SAFB2: variants seen among roughly 807,000 people sequenced by gnomAD.
SAFB2 encodes the protein scaffold attachment factor B2.
In SAFB2, 32 loss-of-function variants were observed where a neutral mutation model predicts 100.6. The ratio of observed to expected loss-of-function variants is 0.32; its 90% CI spans 0.24 to 0.43. The LOEUF (loss-of-function observed/expected upper bound fraction) is 0.43, where lower values mean the gene tolerates loss of function less well. Among genes scored for constraint, SAFB2 ranks in the 20% least tolerant of loss-of-function variants. SAFB2 has a pLI of 1.00. For missense variants in SAFB2, 1,185 were observed against 1,163.4 expected (o/e 1.02, Z -0.27); for synonymous variants, 500 against 439.4 (o/e 1.14, Z -1.72).
chr19:5,593,719 T>C, intron 15 of SAFB2, 172 bp downstream of exon 15: 1 of 663,754 alleles, frequency 1.5e-6, no homozygotes. Flanking sequence ...AGCGAACTAA[T>C]AAACCTGCAG....
chr19:5,591,606 GA>G, intron 17 of SAFB2, 141 bp downstream of exon 17: 1 of 708,062 alleles, frequency 1.4e-6, no homozygotes, highest in Non-Finnish European at 2.4e-6. Context: ...TCGCTGGCCA[GA>G]ACCCACACTT....
chr19:5,599,625 C>T (rs2052612488), intron 12 of SAFB2, among the ~76,000 whole-genome samples: 1 of 151,942 alleles, frequency 6.6e-6, no homozygotes, highest in Non-Finnish European at 1.5e-5. Flanking sequence ...CATTCTGAGT[C>T]TCATACAGAT....
In SAFB2 at chr19:5,616,250, C is replaced by T; in HGVS notation, c.425G>A (p.Ser142Asn). ...ATCCTCCCCAAAATCTGGAGCACTGCTATTCGCCACTTCAGTTTCGTCTAG... is the reference window on the plus strand; with the variant it reads ...ATCCTCCCCAAAATCTGGAGCACTGTTATTCGCCACTTCAGTTTCGTCTAG... ...SVLDETEVAN[S>N]SAPDFGEDGT... The change falls in exon 4 of 21, where the codon AGC becomes AAC. Residue 142 changes from serine (S) to asparagine (N), a missense_variant. Transcript: ENST00000252542. The T allele has an allele frequency of 6.2e-7, 1 of 1,614,234 alleles. No homozygotes were observed. The highest frequency in any genetic ancestry group is 1.1e-5 in the South Asian group (1 of 91,086).
chr19:5,621,442 G>T, intron 1 of SAFB2, 46 bp from the exon 2 acceptor site: 1 of 1,191,730 alleles, frequency 8.4e-7, no homozygotes, highest in Non-Finnish European at 1.3e-6. Flanking sequence ...GAGCTGCAGG[G>T]CACACACTGT....
Position 5,587,442 on chromosome 19 carries a change from A to G in SAFB2, c.2706-43T>C. On this transcript the variant is annotated intron_variant, in intron 20 of 20. Transcript: ENST00000252542. The surrounding 1 kb of genome is among the most constrained non-coding windows in gnomAD (Gnocchi z 4.9). ...CAATTTTTTTCCCCTTGAAGTGCTCAGCGTTTTCATCGTAACATGGGTTCA... is the reference window on the plus strand; with the variant it reads ...CAATTTTTTTCCCCTTGAAGTGCTCGGCGTTTTCATCGTAACATGGGTTCA... The G allele has an allele frequency of 1.3e-6, 2 of 1,566,624 alleles. No homozygotes were observed. Among genetic ancestry groups the G allele is most frequent in the Non-Finnish European group, 1.7e-6 (2 of 1,153,348 alleles).
In SAFB2 at chr19:5,591,671, C is replaced by T. The variant is rs545188407; in HGVS notation, c.2394+77G>A. The T allele has an allele frequency of 5.6e-5, 83 of 1,470,910 alleles. 1 individual carries two copies. In the South Asian group the frequency reaches 7.1e-4, roughly 13 times the overall value. 91.1% of individuals were successfully genotyped at this position (1,470,910 alleles called of 1,614,324 possible). A position where few individuals can be genotyped will look rare whatever the true frequency, so the allele number is the denominator to read the frequency against. On this transcript the variant is annotated intron_variant, in intron 17 of 20. Transcript: ENST00000252542. ...TGCCACCTCTCTGGGATCAAGCGGC[C>T]GCCTGGCTAGAAATGGTCCGCTATG... is the stretch of plus-strand genomic sequence containing the variant.
At chr19:5,599,061 C>T (rs540559609) in intron 12 of SAFB2, among the ~76,000 whole-genome samples, 177 bp from the exon 13 acceptor site, 2 of 152,286 alleles carry the variant, frequency 1.3e-5, no homozygotes, top group Admixed American at 1.3e-4. Context: ...AACACGGGCA[C>T]AGCATCATGG....
At chr19:5,595,618 T>TGTG (rs967776386) in intron 13 of SAFB2, 121 bp from the exon 14 acceptor site, 1 of 1,261,382 alleles carries the variant, frequency 7.9e-7, no homozygotes, top group African/African-American at 1.5e-5. Context: ...GATGGAAGGC[T>TGTG]GTGGTCTCCA....
Position 5,613,453 on chromosome 19 carries a change from A to G in SAFB2, c.606+12T>C, listed in dbSNP as rs1388536933. 2 of 1,609,848 alleles carry G rather than the reference A, an allele frequency of 1.2e-6. No homozygotes were observed. Among genetic ancestry groups the G allele is most frequent in the Non-Finnish European group, 1.7e-6 (2 of 1,176,442 alleles). ...AACATTTCCAGCGATGCAGAACCAGATGGTAACTTACCGGAGTTACTTTGA... is the reference window on the plus strand; with the variant it reads ...AACATTTCCAGCGATGCAGAACCAGGTGGTAACTTACCGGAGTTACTTTGA... On this transcript the variant is annotated intron_variant, in intron 5 of 20. Coordinates refer to ENST00000252542, the MANE Select transcript of SAFB2 (RefSeq NM_014649.3).
chr19:5,592,755 G>A lies in SAFB2; in HGVS notation c.2340C>T (p.Ala780=). 3.1e-6 allele frequency: 5 copies of A among 1,614,102 alleles called. No homozygotes were observed. The highest frequency in any genetic ancestry group is 2.5e-6 in the Non-Finnish European group (3 of 1,180,000). ...HRDRGQYQDH[A]IDRREGSRPM... ...GGGACAAGACCACTGACCTGTCGAT[G>A]GCGTGGTCCTGGTACTGGCCCCGGT... Residue 780 remains alanine (A), a synonymous_variant, in exon 16 of 21, where the codon GCC becomes GCT. Transcript: ENST00000252542.
intron 5 of SAFB2, among the ~76,000 whole-genome samples, chr19:5,612,922 T>A (rs758657103): frequency 2.0e-5 from 3 of 152,068 alleles, no homozygotes; most frequent in Non-Finnish European, 4.4e-5. Flanking sequence ...AAAAAATACT[T>A]CTCCCAACAT....
At position 5,593,016 on chromosome 19, in the gene SAFB2, C is replaced by T; in HGVS notation, c.2208-129G>A. ...GTATCGTTTAAAATGTCCTGCAGGG[C>T]TAATCTCTAAACATTCGATCATCAT... On this transcript the variant is annotated intron_variant, in intron 15 of 20. Coordinates refer to ENST00000252542, the MANE Select transcript of SAFB2 (RefSeq NM_014649.3). 5 of 796,960 alleles carry T rather than the reference C, an allele frequency of 6.3e-6. No individual in the cohort carries two copies. In the South Asian group the frequency reaches 8.8e-5, roughly 14 times the overall value. 49.4% of individuals were successfully genotyped at this position (796,960 alleles called of 1,614,324 possible). A position where few individuals can be genotyped will look rare whatever the true frequency, so the allele number is the denominator to read the frequency against.
chr19:5,621,493 C>T (rs1381124129), intron 1 of SAFB2, 97 bp from the exon 2 acceptor site: 2 of 851,696 alleles, frequency 2.3e-6, no homozygotes, highest in Admixed American at 3.5e-5. Context: ...AAGGCAAACC[C>T]GTCCTTGCAA....
intron 9 of SAFB2, among the ~76,000 whole-genome samples, chr19:5,607,266 C>CAAACAA (rs573080593): frequency 9.2e-5 from 14 of 151,758 alleles, no homozygotes; most frequent in Non-Finnish European, 1.3e-4. Flanking sequence ...GTCTCAAAAA[C>CAAACAA]AAACAAAAAC....
chr19:5,593,076 A>G (rs1208930419), intron 15 of SAFB2, among the ~76,000 whole-genome samples, 189 bp from the exon 16 acceptor site: 1 of 152,140 alleles, frequency 6.6e-6, no homozygotes, highest in African/African-American at 2.4e-5. Flanking sequence ...CGCCATTAAC[A>G]GCCGAGAGGC....
chr19:5,609,088 A>G (rs918303164), intron 9 of SAFB2, among the ~76,000 whole-genome samples: 1 of 151,166 alleles, frequency 6.6e-6, no homozygotes, highest in Admixed American at 6.6e-5. Context: ...CAACAAACAA[A>G]CAAAAAAAGA....
intron 3 of SAFB2, 40 bp downstream of exon 3, chr19:5,616,382 G>C (rs2053031225): frequency 6.2e-7 from 1 of 1,613,904 alleles, no homozygotes; most frequent in African/African-American, 1.3e-5. Flanking sequence ...GACCAGGACA[G>C]GGAGCTGCTG....
chr19:5,622,633 C>T lies in SAFB2; in HGVS notation c.83G>A (p.Arg28Lys). 6.2e-7 allele frequency: 1 copy of T among 1,611,954 alleles called. No individual in the cohort carries two copies. The highest frequency in any genetic ancestry group is 8.5e-7 in the Non-Finnish European group (1 of 1,179,556). The change falls in exon 1 of 21, where the codon AGG (arginine) becomes AAG (lysine). Residue 28 changes from arginine (R) to lysine (K), a missense_variant. By Grantham distance (26) the Arg-to-Lys change is conservative. Transcript: ENST00000252542. ...GATCACCCGCAGCTCGCTGAGCCGC[C>T]TCGTCCCAGTCTCCGCAACGCCCGG... Reference protein sequence around the residue: ...LGPGVAETGTRRLSELRVIDL... With the variant: ...LGPGVAETGTKRLSELRVIDL...
chr19:5,621,433 A>G, intron 1 of SAFB2, 37 bp from the exon 2 acceptor site: 1 of 1,271,504 alleles, frequency 7.9e-7, no homozygotes, highest in South Asian at 1.2e-5. Flanking sequence ...CATCATTAAG[A>G]GCTGCAGGGC....
Sources: gnomAD v4.1 joint callset for allele counts (sites outside exome capture counted in the v4.1 genomes callset) on GRCh38, gnomAD v4.1.1 for gene constraint, Gnocchi (gnomAD v3.1) non-coding constraint, MANE v1.5 for transcripts, NCBI Gene and HGNC (gene_info 2026-07-23, HGNC 2026-07-21) for gene names.